SKOR2: variants seen among roughly 807,000 people sequenced by gnomAD.
SKOR2 encodes LBX1 corepressor 1-like protein.
A neutral mutation model predicts 69.1 loss-of-function variants in SKOR2; 47 were observed. The ratio of observed to expected loss-of-function variants is 0.68; its 90% CI spans 0.54 to 0.87. SKOR2 has a LOEUF of 0.87. SKOR2 is among the 40% of genes least tolerant of loss of function. The pLI is 0.00. For missense variants in SKOR2, 1,404 were observed against 1,472.2 expected, an observed-to-expected ratio of 0.95 and a Z score of 0.76; for synonymous variants, 717 against 672.6, an observed-to-expected ratio of 1.07 and a Z score of -1.02.
Position 47,246,865 on chromosome 18 carries a change from C to A in SKOR2, c.2319G>T (p.Thr773=), listed in dbSNP as rs940193750. 3 of 1,492,574 alleles carry A rather than the reference C, an allele frequency of 2.0e-6. No individual in the cohort carries two copies. The highest frequency in any genetic ancestry group is 2.9e-5 in the African/African-American group (2 of 68,940). The allele number at this position is 1,492,574 out of a possible 1,614,324, so 92.5% of individuals were successfully genotyped here. ...CTAAGGGGTCGCCGAGTAGGACCTC[C>A]GTCTCCTCGTCCTCTTCCTCGTCGT... is the stretch of plus-strand genomic sequence containing the variant. ...PDDDEEEDEE[T]EVLLGDPLVG... Residue 773 remains threonine, a synonymous_variant, in exon 2 of 9, where the codon ACG becomes ACT. Transcript: ENST00000425639.
At chr18:47,235,594 G>C (rs926649372) in intron 4 of SKOR2, among the ~76,000 whole-genome samples, 1 of 152,052 alleles carries the variant, frequency 6.6e-6, no homozygotes, top group Non-Finnish European at 1.5e-5. Flanking sequence ...GTCTCTCCAA[G>C]GACCTCCAAC....
At chr18:47,243,143 A>G (rs2064256254) in intron 4 of SKOR2, among the ~76,000 whole-genome samples, 1 of 152,110 alleles carries the variant, frequency 6.6e-6, no homozygotes, top group Non-Finnish European at 1.5e-5. Context: ...GGTAGAGAGG[A>G]ATGGGAATTC....
intron 6 of SKOR2, among the ~76,000 whole-genome samples, chr18:47,222,253 C>G (rs1380081251): frequency 6.6e-6 from 1 of 151,476 alleles, no homozygotes; most frequent in Non-Finnish European, 1.5e-5. Flanking sequence ...GAAGTCGAGG[C>G]TGCAGTGAGC....
chr18:47,249,247 A>G lies in SKOR2; in HGVS notation c.-47-17T>C. 1 of 1,480,638 alleles carries G rather than the reference A, an allele frequency of 6.8e-7. No individual in the cohort carries two copies. The highest frequency in any genetic ancestry group is 8.9e-7 in the Non-Finnish European group (1 of 1,119,294). 91.7% of individuals were successfully genotyped at this position (1,480,638 alleles called of 1,614,324 possible). A position where few individuals can be genotyped will look rare whatever the true frequency, so the allele number is the denominator to read the frequency against. ...CCTTGGACACTGGAAGGGAAAGGAG[A>G]AAGCGTTGACTTGAGCCTTTTCAGA... is the stretch of plus-strand genomic sequence containing the variant. On this transcript the variant is annotated splice_polypyrimidine_tract_variant and intron_variant, in intron 1 of 8. Transcript: ENST00000425639.
intron 6 of SKOR2, among the ~76,000 whole-genome samples, chr18:47,229,815 C>T (rs907073424): frequency 1.3e-5 from 2 of 152,116 alleles, no homozygotes; most frequent in African/African-American, 4.8e-5. Flanking sequence ...AAAATCTGGA[C>T]ACCTACCATA....
intron 7 of SKOR2, among the ~76,000 whole-genome samples, chr18:47,217,777 A>G (rs934910377): frequency 6.9e-6 from 1 of 144,892 alleles, no homozygotes; most frequent in Non-Finnish European, 1.5e-5. Flanking sequence ...CGATTTCACC[A>G]ATTTTCATGT....
At chr18:47,222,871 T>C (rs1041896884) in intron 6 of SKOR2, among the ~76,000 whole-genome samples, 1 of 152,188 alleles carries the variant, frequency 6.6e-6, no homozygotes, top group African/African-American at 2.4e-5. Context: ...TGCTCATTTT[T>C]CTATGATAGT....
intron 4 of SKOR2, among the ~76,000 whole-genome samples, chr18:47,237,643 C>A (rs1419344842): frequency 2.0e-5 from 3 of 151,968 alleles, no homozygotes; most frequent in Non-Finnish European, 4.4e-5. Flanking sequence ...TGGCATTCAC[C>A]CATCCCTTCT....
Position 47,247,207 on chromosome 18 carries a change from G to A in SKOR2, c.1977C>T (p.His659=). The A allele has an allele frequency of 1.4e-6, 2 of 1,420,644 alleles. No homozygotes were observed. The highest frequency in any genetic ancestry group is 1.8e-6 in the Non-Finnish European group (2 of 1,088,856). 88.0% of individuals were successfully genotyped at this position (1,420,644 alleles called of 1,614,324 possible). A position where few individuals can be genotyped will look rare whatever the true frequency, so the allele number is the denominator to read the frequency against. The change falls in exon 2 of 9, where the codon CAC becomes CAT. Residue 659 remains histidine (H), a synonymous_variant. Coordinates refer to ENST00000425639, the MANE Select transcript of SKOR2 (RefSeq NM_001278063.4). This position sits in a 1 kb window ranked among gnomAD's most constrained non-coding sequence, Gnocchi z 6.6. The stretch of plus-strand genomic sequence containing the variant: ...GGTGGTGGTGGTGGTGGTGGTGAGG[G>A]TGGTGATGGTGGTGGGGATGCGTCT... The part of the protein sequence containing the change: ...SAQTHPHHHH[H]PHHHHHHHHP...
intron 4 of SKOR2, among the ~76,000 whole-genome samples, chr18:47,239,106 A>T (rs1436645019): frequency 6.6e-6 from 1 of 152,268 alleles, no homozygotes; most frequent in Non-Finnish European, 1.5e-5. Context: ...AAGTTAACCT[A>T]CAGTTAGTGT....
At chr18:47,216,731 CA>C (rs1282702666) in intron 7 of SKOR2, among the ~76,000 whole-genome samples, 2 of 151,812 alleles carry the variant, frequency 1.3e-5, no homozygotes, top group Admixed American at 6.6e-5. Flanking sequence ...GGAATCATTA[CA>C]AAATATGATG....
At chr18:47,230,371 G>T in intron 6 of SKOR2, 88 bp downstream of exon 6, 1 of 821,540 alleles carries the variant, frequency 1.2e-6, no homozygotes, top group Non-Finnish European at 1.7e-6. Flanking sequence ...TTGCACAATC[G>T]CTTAATACTT....
At chr18:47,231,447 A>G (rs116014657) in intron 4 of SKOR2, among the ~76,000 whole-genome samples, 2,051 of 152,300 alleles carry the variant, frequency 0.013, 41 homozygotes, top group African/African-American at 0.047. Context: ...TTCTCGGGCC[A>G]TCAAAATTTG....
rs1287325337 is a variant in SKOR2, at chr18:47,247,174, C to CGGGGGG, written c.2004_2009dup (p.Pro669_Pro670dup). The CGGGGGG allele has an allele frequency of 5.7e-6, 2 of 349,176 alleles. No homozygotes were observed. The highest frequency in any genetic ancestry group is 7.1e-6 in the Non-Finnish European group (2 of 280,902). 21.6% of individuals were successfully genotyped at this position (349,176 alleles called of 1,614,324 possible). ...GCAGCAGAAGCGGCGACGGCGGCTGCGGGGGGTGGTGGTGGTGGTGGTGGT... is the reference window on the plus strand; with the variant it reads ...GCAGCAGAAGCGGCGACGGCGGCTGCGGGGGGGGGGGGTGGTGGTGGTGGTGGTGGT... On this transcript the variant is annotated inframe_insertion, in exon 2 of 9. Transcript: ENST00000425639. This position sits in a 1 kb window ranked among gnomAD's most constrained non-coding sequence, Gnocchi z 6.6.
At chr18:47,224,195 C>G (rs1023420530) in intron 6 of SKOR2, among the ~76,000 whole-genome samples, 7 of 152,060 alleles carry the variant, frequency 4.6e-5, no homozygotes, top group African/African-American at 1.7e-4. Flanking sequence ...GGATGAGCCA[C>G]CACGCCCGAC....
chr18:47,227,156 C>T (rs1025791308), intron 6 of SKOR2, among the ~76,000 whole-genome samples: 3 of 151,774 alleles, frequency 2.0e-5, no homozygotes, highest in Admixed American at 6.6e-5. Flanking sequence ...CATCTTCCTC[C>T]TTCTTCCTCC....
rs923256123 is a variant in SKOR2, at chr18:47,236,714, G to T, written c.2753-5714C>A. 2.6e-5 allele frequency among the ~76,000 whole-genome samples: 4 copies of T among 152,104 alleles called. No homozygotes were observed. In the East Asian group the frequency reaches 7.7e-4, roughly 29 times the overall value. ...CTGAATCTGCCAGTGCCTTGATCTT[G>T]GACTTCCCAGCATCCAGAACTGAGA... On this transcript the variant is annotated intron_variant, in intron 4 of 8. Coordinates refer to ENST00000425639, the MANE Select transcript of SKOR2 (RefSeq NM_001278063.4).
chr18:47,218,589 C>CAA (rs57860548), intron 7 of SKOR2, among the ~76,000 whole-genome samples: 1,427 of 88,206 alleles, frequency 0.016, 51 homozygotes, highest in African/African-American at 0.024. Context: ...GACCCTGTCT[C>CAA]AAAAAAAAAA....
chr18:47,207,705 G>C (rs1283479761), intron 8 of SKOR2, among the ~76,000 whole-genome samples: 2 of 152,158 alleles, frequency 1.3e-5, no homozygotes, highest in Admixed American at 1.3e-4. Context: ...ATACAAAAAG[G>C]AAGACACAGA....
Sources: gnomAD v4.1 joint callset for allele counts (sites outside exome capture counted in the v4.1 genomes callset) on GRCh38, gnomAD v4.1.1 for gene constraint, Gnocchi (gnomAD v3.1) non-coding constraint, MANE v1.5 for transcripts, NCBI Gene and HGNC (gene_info 2026-07-23, HGNC 2026-07-21) for gene names.